The following SYNE3 variants were observed in gnomAD, a reference collection of about 807,000 sequenced individuals.
SYNE3 encodes nesprin-3.
SYNE3 carries 100 observed loss-of-function variants against 111.2 expected under a neutral mutation model. The ratio of observed to expected loss-of-function variants is 0.90; its 90% CI spans 0.77 to 1.06. SYNE3 has a LOEUF of 1.06. Among genes scored for constraint, SYNE3 ranks in the 50% least tolerant of loss-of-function variants. The pLI, the probability that SYNE3 is intolerant of heterozygous loss-of-function variation, is 0.00. For synonymous variants in SYNE3, 547 were observed against 533.9 expected (o/e 1.02, Z -0.34); for missense variants, 1,160 against 1,240.3 (o/e 0.94, Z 0.97).
At chr14:95,482,813 CA>C (rs1356073477) in intron 1 of SYNE3, among the ~76,000 whole-genome samples, 2 of 152,154 alleles carry the variant, frequency 1.3e-5, no homozygotes, top group African/African-American at 2.4e-5. Flanking sequence ...TACATAGGCC[CA>C]GTGACACATT....
At chr14:95,483,823 T>G (rs1889395654) in intron 1 of SYNE3, among the ~76,000 whole-genome samples, 1 of 152,162 alleles carries the variant, frequency 6.6e-6, no homozygotes, top group Non-Finnish European at 1.5e-5. Context: ...CACGCCACCC[T>G]CTGTCCACCA....
At chr14:95,487,259 C>G (rs978364879) in intron 1 of SYNE3, among the ~76,000 whole-genome samples, 1 of 152,224 alleles carries the variant, frequency 6.6e-6, no homozygotes, top group African/African-American at 2.4e-5. Context: ...GTTTACTAAG[C>G]ATTTGACATG....
intron 1 of SYNE3, among the ~76,000 whole-genome samples, chr14:95,491,650 C>T (rs1889854366): frequency 6.6e-6 from 1 of 152,054 alleles, no homozygotes; most frequent in African/African-American, 2.4e-5. Context: ...CATCAATCTT[C>T]CTGACCTTGG....
intron 5 of SYNE3, 86 bp downstream of exon 5, chr14:95,457,091 A>C (rs1887494727): frequency 6.8e-7 from 1 of 1,467,198 alleles, no homozygotes; most frequent in Admixed American, 2.3e-5. Flanking sequence ...TCTCAAAAAA[A>C]AAAAAAAAAA....
At chr14:95,434,476 T>C (rs1246673595) in intron 15 of SYNE3, among the ~76,000 whole-genome samples, 1 of 152,178 alleles carries the variant, frequency 6.6e-6, no homozygotes, top group African/African-American at 2.4e-5. Flanking sequence ...GCCTTCACCC[T>C]ATTAAAAATG....
intron 6 of SYNE3, among the ~76,000 whole-genome samples, chr14:95,454,965 T>G (rs1887319391): frequency 6.6e-6 from 1 of 152,078 alleles, no homozygotes; most frequent in South Asian, 2.1e-4. Context: ...AGGCCCATGT[T>G]TGTTCCCCAT....
At chr14:95,511,253 A>AGT (rs1890710986) in intron 1 of SYNE3, among the ~76,000 whole-genome samples, 1 of 152,186 alleles carries the variant, frequency 6.6e-6, no homozygotes, top group Admixed American at 6.5e-5. Context: ...AAATAGGATG[A>AGT]GTGAGAGGAG....
chr14:95,485,508 C>T lies in SYNE3; in HGVS notation c.-14-9673G>A, dbSNP rs1167625960. Among the ~76,000 whole-genome samples the T allele has an allele frequency of 6.6e-6, 1 of 152,166 alleles. No individual in the cohort carries two copies. Among genetic ancestry groups the T allele is most frequent in the East Asian group, 1.9e-4 (1 of 5,190 alleles). On this transcript the variant is annotated intron_variant, in intron 1 of 17. Coordinates refer to ENST00000682763, the MANE Select transcript of SYNE3 (RefSeq NM_152592.6). The surrounding 1 kb of genome is among the most constrained non-coding windows in gnomAD (Gnocchi z 4.3). ...GCTCCCCGACCAAAGACAGGACGCC[C>T]TAACCTACAGGTGCTAGGAGCTCTG...
chr14:95,510,083 C>T (rs1013371789), intron 1 of SYNE3, among the ~76,000 whole-genome samples: 2 of 152,190 alleles, frequency 1.3e-5, no homozygotes, highest in African/African-American at 4.8e-5. Context: ...AATACTTCTC[C>T]AGCGCCCACA....
chr14:95,478,264 C>A (rs1317651391), intron 1 of SYNE3, among the ~76,000 whole-genome samples: 1 of 152,310 alleles, frequency 6.6e-6, no homozygotes, highest in Non-Finnish European at 1.5e-5. Flanking sequence ...ATGCTATGAT[C>A]GTAGCATCCA....
intron 1 of SYNE3, among the ~76,000 whole-genome samples, chr14:95,476,552 T>G (rs1888901973): frequency 6.6e-6 from 1 of 152,272 alleles, no homozygotes; most frequent in African/African-American, 2.4e-5. Flanking sequence ...TTTGCTGGAC[T>G]GTCCATTTGA....
chr14:95,499,912 T>A (rs1008580882), intron 1 of SYNE3, among the ~76,000 whole-genome samples: 14 of 140,552 alleles, frequency 1.0e-4, no homozygotes, highest in Non-Finnish European at 2.0e-4. Flanking sequence ...CAGGCTGGAG[T>A]GCAGTGGCAC....
At position 95,499,150 on chromosome 14, in the gene SYNE3, G is replaced by A. The variant is rs1595258654; in HGVS notation, c.-15+17446C>T. On this transcript the variant is annotated intron_variant, in intron 1 of 17. Coordinates refer to ENST00000682763, the MANE Select transcript of SYNE3 (RefSeq NM_152592.6). ...AGCCAAATCCTTTCCTGGATCCAGA[G>A]GCTTAGGCACGAGGATGTTTCCATT... Among the ~76,000 whole-genome samples, 4 of 152,148 alleles carry A rather than the reference G, an allele frequency of 2.6e-5. No individual in the cohort carries two copies. In the South Asian group the frequency reaches 8.3e-4, roughly 32 times the overall value.
intron 9 of SYNE3, 46 bp downstream of exon 9, chr14:95,445,863 C>A (rs1173205992): frequency 1.8e-5 from 28 of 1,599,632 alleles, no homozygotes; most frequent in Non-Finnish European, 2.3e-5. Flanking sequence ...GGTGCTCCAG[C>A]CCCGTGGCCA....
intron 4 of SYNE3, among the ~76,000 whole-genome samples, chr14:95,457,640 G>A (rs1213124746): frequency 2.0e-5 from 3 of 152,142 alleles, no homozygotes; most frequent in African/African-American, 4.8e-5. Flanking sequence ...ACTGAGGTGC[G>A]GCAACAGCAA....
intron 1 of SYNE3, among the ~76,000 whole-genome samples, chr14:95,496,913 C>T (rs565686773): frequency 6.6e-6 from 1 of 152,248 alleles, no homozygotes; most frequent in Non-Finnish European, 1.5e-5. Context: ...ACTCTTACAC[C>T]CAAATGGTAT....
At chr14:95,460,755 C>G (rs1399736496) in intron 4 of SYNE3, among the ~76,000 whole-genome samples, 3 of 152,204 alleles carry the variant, frequency 2.0e-5, no homozygotes, top group Non-Finnish European at 4.4e-5. Flanking sequence ...TCTCCTGGAG[C>G]CTCCTCCATC....
At position 95,407,679 on chromosome 14, in the gene SYNE3, G is replaced by C. The variant is rs913204876; in HGVS notation, c.*10147C>G. ...ACATAATAGAATATTTAAAACAATG[G>C]AATGTGTTTGTCTTTGACATCAAAA... is the stretch of plus-strand genomic sequence containing the variant. On this transcript the variant is annotated 3_prime_UTR_variant, in exon 18 of 18. Transcript: ENST00000682763. 4 of 152,084 alleles carry C rather than the reference G, an allele frequency of 2.6e-5. No individual in the cohort carries two copies. Among genetic ancestry groups the C allele is most frequent in the African/African-American group, 9.7e-5 (4 of 41,396 alleles). The allele number at this position is 152,084 out of a possible 1,614,324, so 9.4% of individuals were successfully genotyped here.
At chr14:95,475,522 TAAAC>T (rs1888826945) in intron 2 of SYNE3, among the ~76,000 whole-genome samples, 152 bp downstream of exon 2, 1 of 150,978 alleles carries the variant, frequency 6.6e-6, no homozygotes, top group African/African-American at 2.4e-5. Flanking sequence ...AGTCTACACT[TAAAC>T]AAAATCTCCA....
Sources: gnomAD v4.1 joint callset for allele counts (sites outside exome capture counted in the v4.1 genomes callset) on GRCh38, gnomAD v4.1.1 for gene constraint, Gnocchi (gnomAD v3.1) non-coding constraint, MANE v1.5 for transcripts, NCBI Gene and HGNC (gene_info 2026-07-23, HGNC 2026-07-21) for gene names.